Variants in DNAH10 observed in about 807,000 individuals in gnomAD.
DNAH10 encodes axonemal beta dynein heavy chain 10.
In DNAH10, 348 loss-of-function variants were observed where a neutral mutation model predicts 506.6. The observed-to-expected ratio is 0.69, with a 90% CI of 0.63 to 0.75. DNAH10 has a LOEUF of 0.75. Among genes scored for constraint, DNAH10 ranks in the 30% least tolerant of loss-of-function variants. The probability of loss-of-function intolerance (pLI) is 0.00; values close to 1 mark genes in which losing one functional copy is unlikely to be tolerated. For synonymous variants in DNAH10, 2,059 were observed against 2,198.6 expected (o/e 0.94, Z 1.78); for missense variants, 5,179 against 5,787.1 (o/e 0.89, Z 3.41).
At chr12:123,884,797 A>C (rs1448917861) in intron 51 of DNAH10, among the ~76,000 whole-genome samples, 3 of 152,206 alleles carry the variant, frequency 2.0e-5, no homozygotes, top group African/African-American at 7.2e-5. Flanking sequence ...AAATGGAATA[A>C]TCCTCACTGC....
At chr12:123,836,025 C>CT (rs1961096452) in intron 28 of DNAH10, among the ~76,000 whole-genome samples, 1 of 152,084 alleles carries the variant, frequency 6.6e-6, no homozygotes, top group South Asian at 2.1e-4. Context: ...GACACTGAAT[C>CT]TTTTTTACAT....
chr12:123,908,146 T>TCCTCCCTGTCTCTCTGTCC, intron 57 of DNAH10, among the ~76,000 whole-genome samples: 1 of 140,594 alleles, frequency 7.1e-6, no homozygotes, highest in Non-Finnish European at 1.5e-5. Context: ...TCTCTCTGTC[T>TCCTCCCTGTCTCTCTGTCC]CCTCCCTGTC....
chr12:123,771,749 C>A, intron 3 of DNAH10, 51 bp downstream of exon 3: 1 of 1,439,614 alleles, frequency 6.9e-7, no homozygotes, highest in Non-Finnish European at 9.6e-7. Context: ...ACCCTTGATG[C>A]CCTCTAGGAT....
chr12:123,790,930 G>T (rs1337877278), intron 11 of DNAH10, among the ~76,000 whole-genome samples: 1 of 152,106 alleles, frequency 6.6e-6, no homozygotes, highest in Non-Finnish European at 1.5e-5. Context: ...TTTGAGACCA[G>T]CCTGGGCAAC....
rs763606632 is a variant in DNAH10 at position 123,917,695 on chromosome 12, A to G, written c.11114A>G (p.Asn3705Ser). ...ATCCAGGAGACCAGCGAGAACAAGA[A>G]CCTGCTCAAGGACCTGGAAGATTCC... Reference protein sequence around the residue: ...HLIQETSENKNLLKDLEDSLL... With the variant: ...HLIQETSENKSLLKDLEDSLL... Residue 3705 changes from asparagine to serine, a missense_variant, in exon 64 of 79, where the codon AAC becomes AGC. This residue lies in a region of DNAH10 where 4,844 missense variants were observed against 5,430.5 expected (regional missense o/e 0.89). Transcript: ENST00000673944. This position sits in a 1 kb window ranked among gnomAD's most constrained non-coding sequence, Gnocchi z 5.6. 5 of 1,556,510 alleles carry G rather than the reference A, an allele frequency of 3.2e-6. No homozygotes were observed. Among genetic ancestry groups the G allele is most frequent in the Non-Finnish European group, 4.3e-6 (5 of 1,150,156 alleles).
chr12:123,892,006 G>A (rs962485726), intron 52 of DNAH10, among the ~76,000 whole-genome samples: 4 of 152,232 alleles, frequency 2.6e-5, no homozygotes, highest in African/African-American at 9.6e-5. Flanking sequence ...AGTGCTCCGG[G>A]ATTTCCTTGG....
At chr12:123,822,629 C>G (rs1247053183) in intron 24 of DNAH10, among the ~76,000 whole-genome samples, 1 of 152,086 alleles carries the variant, frequency 6.6e-6, no homozygotes, top group East Asian at 1.9e-4. Context: ...ATATCTGTGT[C>G]TAATCTATAC....
chr12:123,803,965 T>A, intron 17 of DNAH10, 140 bp downstream of exon 17: 1 of 769,384 alleles, frequency 1.3e-6, no homozygotes, highest in East Asian at 3.3e-5. Flanking sequence ...TTTCTAATGC[T>A]CTCAGTCATT....
At chr12:123,879,138 G>GC in intron 48 of DNAH10, 126 bp from the exon 49 acceptor site, 1 of 714,506 alleles carries the variant, frequency 1.4e-6, no homozygotes, top group Non-Finnish European at 2.3e-6. Context: ...GACTAGGGGG[G>GC]CACGACTGGA....
In DNAH10 at chr12:123,902,910, C is replaced by CTT. The variant is rs891714853; in HGVS notation, c.9641-27_9641-26dup. ...CGAGTGCATCTCCTCTGAGCCCAAGCTTTACTCACCCCCTGTCCTACCCTG... is the reference window on the plus strand; with the variant it reads ...CGAGTGCATCTCCTCTGAGCCCAAGCTTTTTACTCACCCCCTGTCCTACCCTG... On this transcript the variant is annotated intron_variant, in intron 56 of 78. Coordinates refer to ENST00000673944, the MANE Select transcript of DNAH10 (RefSeq NM_001372106.1). The surrounding 1 kb of genome is among the most constrained non-coding windows in gnomAD (Gnocchi z 4.5). 6.4e-7 allele frequency: 1 copy of CTT among 1,557,418 alleles called. No homozygotes were observed. The highest frequency in any genetic ancestry group is 8.7e-7 in the Non-Finnish European group (1 of 1,151,306).
chr12:123,843,798 G>A (rs1477895402), intron 30 of DNAH10, among the ~76,000 whole-genome samples: 1 of 152,152 alleles, frequency 6.6e-6, no homozygotes, highest in East Asian at 1.9e-4. Context: ...GGCTGGTCTC[G>A]AACTCCCGAC....
In DNAH10 at chr12:123,771,715, G is replaced by T; in HGVS notation, c.396+17G>T. The T allele has an allele frequency of 6.3e-7, 1 of 1,593,304 alleles. No homozygotes were observed. The highest frequency in any genetic ancestry group is 1.1e-5 in the South Asian group (1 of 87,962). On this transcript the variant is annotated intron_variant, in intron 3 of 78. Transcript: ENST00000673944. ...CCTTCCAAAGTAAGCATGGCTCTTT[G>T]TCCTTGTTGGTGGGGTAATGGGGAC...
chr12:123,830,477 A>G (rs1960422513), intron 25 of DNAH10, 69 bp from the exon 26 acceptor site: 2 of 1,437,810 alleles, frequency 1.4e-6, no homozygotes, highest in African/African-American at 1.4e-5. Context: ...CCTGTGATTT[A>G]AATGGGAGTA....
chr12:123,799,648 A>G (rs1187528341), intron 14 of DNAH10, among the ~76,000 whole-genome samples: 2 of 152,228 alleles, frequency 1.3e-5, no homozygotes, highest in Non-Finnish European at 2.9e-5. Context: ...TTTATAAATC[A>G]GATGATGTAG....
intron 37 of DNAH10, 55 bp downstream of exon 37, chr12:123,857,302 T>G (rs1951434575): frequency 7.0e-7 from 1 of 1,438,002 alleles, no homozygotes. Flanking sequence ...ATTGGCTTTT[T>G]GTTTTTGCAG....
intron 51 of DNAH10, among the ~76,000 whole-genome samples, chr12:123,882,501 C>A (rs1287634190): frequency 6.6e-6 from 1 of 152,194 alleles, no homozygotes; most frequent in Non-Finnish European, 1.5e-5. Context: ...TAGAACACTT[C>A]TGTGGCTTCG....
Position 123,808,869 on chromosome 12 carries a change from A to C in DNAH10, c.3060A>C (p.Ala1020=). ...PLFHTETILT[A]PEIILHPNTN... The stretch of plus-strand genomic sequence containing the variant: ...TCCACACTGAAACCATTCTGACGGC[A>C]CCTGAGATCATCCTTCATCCCAACA... The change falls in exon 19 of 79, where the codon GCA becomes GCC. Residue 1020 remains alanine (A), a synonymous_variant. Transcript: ENST00000673944. 1 of 1,614,154 alleles carries C rather than the reference A, an allele frequency of 6.2e-7. No individual in the cohort carries two copies. The highest frequency in any genetic ancestry group is 8.5e-7 in the Non-Finnish European group (1 of 1,180,018).
At chr12:123,855,045 G>A (rs1246229552) in intron 36 of DNAH10, among the ~76,000 whole-genome samples, 1 of 152,170 alleles carries the variant, frequency 6.6e-6, no homozygotes. Context: ...ACATGATGTC[G>A]TTACAATTAA....
At chr12:123,836,398 G>A (rs1961131936) in intron 28 of DNAH10, among the ~76,000 whole-genome samples, 1 of 152,170 alleles carries the variant, frequency 6.6e-6, no homozygotes, top group Non-Finnish European at 1.5e-5. Context: ...ATAATGTACA[G>A]GTTCTTGCCT....
Sources: gnomAD v4.1 joint callset for allele counts (sites outside exome capture counted in the v4.1 genomes callset) on GRCh38, gnomAD v4.1.1 for gene constraint, gnomAD v4.1.1 regional missense constraint, Gnocchi (gnomAD v3.1) non-coding constraint, MANE v1.5 for transcripts, NCBI Gene and HGNC (gene_info 2026-07-23, HGNC 2026-07-21) for gene names.